PDE4D: variants seen among roughly 807,000 people sequenced by gnomAD.
The protein encoded by PDE4D is phosphodiesterase 4D, also known as 3',5'-cyclic-AMP phosphodiesterase 4D.
PDE4D carries 24 observed loss-of-function variants against 87.4 expected under a neutral mutation model. That is an observed-to-expected ratio of 0.27 (90% CI 0.20 to 0.39). The LOEUF (loss-of-function observed/expected upper bound fraction) is 0.39. Among genes scored for constraint, PDE4D ranks in the 10% least tolerant of loss-of-function variants. The pLI, the probability that PDE4D is intolerant of heterozygous loss-of-function variation, is 1.00. For synonymous variants in PDE4D, 384 were observed against 383.2 expected (o/e 1.00, Z -0.02); for missense variants, 714 against 1,041.0 (o/e 0.69, Z 4.32).
At chr5:59,438,118 T>C (rs894443829) in intron 1 of PDE4D, among the ~76,000 whole-genome samples, 2 of 152,176 alleles carry the variant, frequency 1.3e-5, no homozygotes, top group African/African-American at 4.8e-5. Context: ...ACATGGGGAT[T>C]GTTGGCTGAA....
chr5:59,851,450 C>T (rs1744648039), intron 1 of PDE4D, among the ~76,000 whole-genome samples: 2 of 151,946 alleles, frequency 1.3e-5, no homozygotes, highest in South Asian at 4.1e-4. Flanking sequence ...TGCACATAGA[C>T]CTGGTATGTT....
chr5:59,199,811 C>G (rs1344177869), intron 2 of PDE4D, among the ~76,000 whole-genome samples: 1 of 151,880 alleles, frequency 6.6e-6, no homozygotes, highest in East Asian at 1.9e-4. Context: ...ATAATGTAAC[C>G]TACTTGATCT....
intron 1 of PDE4D, among the ~76,000 whole-genome samples, chr5:59,318,747 C>G (rs1774184193): frequency 6.6e-6 from 1 of 151,920 alleles, no homozygotes; most frequent in African/African-American, 2.4e-5. Flanking sequence ...TCTTTTTTCA[C>G]AATCTCTGGA....
chr5:60,304,169 T>C (rs1362884896), intron 1 of PDE4D: 1 of 152,222 alleles, frequency 6.6e-6, no homozygotes, highest in Non-Finnish European at 1.5e-5. Flanking sequence ...CTTTTCTTTA[T>C]TGGATAAAAG....
chr5:59,742,460 T>C (rs1758996071), intron 1 of PDE4D, among the ~76,000 whole-genome samples: 2 of 152,232 alleles, frequency 1.3e-5, no homozygotes, highest in African/African-American at 4.8e-5. Flanking sequence ...TGCATGTTAT[T>C]TATTCCTATT....
intron 1 of PDE4D, among the ~76,000 whole-genome samples, chr5:59,441,924 T>G (rs534659842): frequency 6.6e-6 from 1 of 152,368 alleles, no homozygotes; most frequent in East Asian, 1.9e-4. Context: ...CAGTATTCTT[T>G]ATCTATGTTG....
intron 1 of PDE4D, among the ~76,000 whole-genome samples, chr5:59,379,243 T>C (rs1010996882): frequency 2.6e-5 from 4 of 152,144 alleles, no homozygotes; most frequent in Non-Finnish European, 4.4e-5. Context: ...GCCTGATACA[T>C]AAATAATTTC....
chr5:59,340,811 T>A (rs1320879148), intron 1 of PDE4D, among the ~76,000 whole-genome samples: 1 of 152,200 alleles, frequency 6.6e-6, no homozygotes, highest in East Asian at 1.9e-4. Flanking sequence ...CTTATTTCAC[T>A]TAATATAATG....
intron 1 of PDE4D, among the ~76,000 whole-genome samples, chr5:60,355,691 T>TTA (rs977462090): frequency 1.2e-4 from 18 of 151,982 alleles, no homozygotes; most frequent in East Asian, 3.9e-4. Context: ...ATTTTGTATA[T>TTA]TATATATATA....
intron 1 of PDE4D, among the ~76,000 whole-genome samples, chr5:59,475,459 C>T (rs1803156804): frequency 6.6e-6 from 1 of 152,072 alleles, no homozygotes; most frequent in Non-Finnish European, 1.5e-5. Context: ...TACTTTCACT[C>T]TCAAGTCAAT....
chr5:60,132,249 T>C (rs1345478402), intron 2 of PDE4D, among the ~76,000 whole-genome samples: 1 of 152,200 alleles, frequency 6.6e-6, no homozygotes, highest in Non-Finnish European at 1.5e-5. Flanking sequence ...TTAAAAAGCA[T>C]TCATTTTAGA....
At chr5:60,041,471 G>A (rs540624846) in intron 2 of PDE4D, among the ~76,000 whole-genome samples, 16 of 152,298 alleles carry the variant, frequency 1.1e-4, no homozygotes, top group African/African-American at 3.8e-4. Context: ...AGTTCTAATG[G>A]TAACATTTGA....
chr5:59,544,459 A>G (rs1816920865), intron 1 of PDE4D, among the ~76,000 whole-genome samples: 1 of 152,212 alleles, frequency 6.6e-6, no homozygotes, highest in African/African-American at 2.4e-5. Context: ...CCCAGAATTT[A>G]ACCCTTTTAA....
intron 2 of PDE4D, among the ~76,000 whole-genome samples, chr5:60,048,503 C>A (rs1394228090): frequency 2.0e-5 from 3 of 152,040 alleles, no homozygotes; most frequent in Non-Finnish European, 2.9e-5. Flanking sequence ...GTGGCTGGTA[C>A]CATTTGTTCC....
chr5:60,483,779 T>A, intron 1 of PDE4D, among the ~76,000 whole-genome samples: 1 of 152,214 alleles, frequency 6.6e-6, no homozygotes, highest in East Asian at 1.9e-4. Flanking sequence ...CTGTGTGAGA[T>A]AAAAGTGGAG....
At chr5:59,439,428 G>T (rs979257864) in intron 1 of PDE4D, among the ~76,000 whole-genome samples, 1 of 151,586 alleles carries the variant, frequency 6.6e-6, no homozygotes, top group Non-Finnish European at 1.5e-5. Flanking sequence ...ACAATGCTGC[G>T]CTGCCATAAA....
intron 1 of PDE4D, among the ~76,000 whole-genome samples, chr5:59,829,954 C>G (rs969672946): frequency 3.3e-5 from 5 of 151,664 alleles, no homozygotes; most frequent in African/African-American, 1.2e-4. Flanking sequence ...TCTCCTTTAG[C>G]ATTGTTTCTT....
intron 1 of PDE4D, among the ~76,000 whole-genome samples, chr5:60,505,998 A>T (rs182536717): frequency 6.6e-6 from 1 of 152,370 alleles, no homozygotes; most frequent in East Asian, 1.9e-4. Context: ...TCTTCATCAA[A>T]GCTTTCAAAG....
chr5:60,154,106 A>T (rs1781753743), intron 2 of PDE4D, among the ~76,000 whole-genome samples: 1 of 152,204 alleles, frequency 6.6e-6, no homozygotes, highest in South Asian at 2.1e-4. Context: ...GGTAAAATGT[A>T]TTTGGCATTT....
Sources: gnomAD v4.1 joint callset for allele counts (sites outside exome capture counted in the v4.1 genomes callset) on GRCh38, gnomAD v4.1.1 for gene constraint, MANE v1.5 for transcripts, NCBI Gene and HGNC (gene_info 2026-07-23, HGNC 2026-07-21) for gene names.